The following PCM1 variants were observed in gnomAD, a reference collection of about 807,000 sequenced individuals.
PCM1 encodes the protein pericentriolar material 1 protein.
PCM1 carries 157 observed loss-of-function variants against 241.9 expected under a neutral mutation model. That is an observed-to-expected ratio of 0.65 (90% CI 0.57 to 0.74). The LOEUF (loss-of-function observed/expected upper bound fraction) is 0.74. Among genes scored for constraint, PCM1 ranks in the 30% least tolerant of loss-of-function variants. The pLI is 0.00. For missense variants in PCM1, 3,478 were observed against 2,360.1 expected, an observed-to-expected ratio of 1.47 and a Z score of -9.81; for synonymous variants, 1,085 against 784.9, an observed-to-expected ratio of 1.38 and a Z score of -6.39.
chr8:17,973,485 G>C (rs2077539002), intron 23 of PCM1, among the ~76,000 whole-genome samples: 1 of 152,098 alleles, frequency 6.6e-6, no homozygotes, highest in African/African-American at 2.4e-5. Context: ...TTGGGAGGCT[G>C]AGGCAGGTGG....
At position 18,027,852 on chromosome 8, in the gene PCM1, G is replaced by C. The variant is rs147020373; in HGVS notation, c.*190G>C. ...TGAATTCTGGACAGATTTAAGCCTT[G>C]ACACACTGTGTTTTTTTTTTTTTCC... On this transcript the variant is annotated 3_prime_UTR_variant, in exon 39 of 39. Coordinates refer to ENST00000325083, the MANE Select transcript of PCM1 (RefSeq NM_006197.4). 3 of 400,944 alleles carry C rather than the reference G, an allele frequency of 7.5e-6. No individual in the cohort carries two copies. The highest frequency in any genetic ancestry group is 1.3e-5 in the Non-Finnish European group (3 of 226,282). 24.8% of individuals were successfully genotyped at this position (400,944 alleles called of 1,614,324 possible).
At chr8:17,942,588 C>G (rs535644770) in intron 6 of PCM1, among the ~76,000 whole-genome samples, 27 of 152,106 alleles carry the variant, frequency 1.8e-4, no homozygotes, top group South Asian at 6.2e-4. Flanking sequence ...ACTTGGTTGC[C>G]TCTTTTTTTG....
intron 2 of PCM1, among the ~76,000 whole-genome samples, chr8:17,928,742 C>G (rs2058003948): frequency 6.6e-6 from 1 of 151,412 alleles, no homozygotes; most frequent in African/African-American, 2.4e-5. Context: ...AACGATTCTC[C>G]TGCCTCAGCC....
Position 18,028,451 on chromosome 8 carries a change from T to G in PCM1, c.*789T>G, listed in dbSNP as rs1441167820. The stretch of plus-strand genomic sequence containing the variant: ...AAGTAACATTGTGGTTAATTTTAAA[T>G]GAAAAACTTAACTTTTTCAAGTGGG... On this transcript the variant is annotated 3_prime_UTR_variant, in exon 39 of 39. Transcript: ENST00000325083. 1.0e-5 allele frequency: 2 copies of G among 193,674 alleles called. No individual in the cohort carries two copies. Among genetic ancestry groups the G allele is most frequent in the East Asian group, 1.6e-4 (2 of 12,262 alleles). 12.0% of individuals were successfully genotyped at this position (193,674 alleles called of 1,614,324 possible).
At chr8:17,968,967 A>T (rs952116610) in intron 21 of PCM1, among the ~76,000 whole-genome samples, 1 of 152,060 alleles carries the variant, frequency 6.6e-6, no homozygotes, top group Non-Finnish European at 1.5e-5. Flanking sequence ...CCAACTCTAT[A>T]TAAAGGCTCT....
Position 17,961,304 on chromosome 8 carries a change from C to CTTTTTTTTTT in PCM1, c.2323-715_2323-706dup, listed in dbSNP as rs35468848. ...TATTTTCCCAGAGTTTATTGGCTAG[C>CTTTTTTTTTT]TTTTTTTTTTTTTTTTTTTTTTTTG... On this transcript the variant is annotated intron_variant, in intron 15 of 38. Transcript: ENST00000325083. Among the ~76,000 whole-genome samples, 32 of 79,138 alleles carry CTTTTTTTTTT rather than the reference C, an allele frequency of 4.0e-4. 1 individual carries two copies. The highest frequency in any genetic ancestry group is 1.1e-3 in the African/African-American group (21 of 18,984). 51.9% of individuals were successfully genotyped at this position (79,138 alleles called of 152,430 possible). A position where few individuals can be genotyped will look rare whatever the true frequency, so the allele number is the denominator to read the frequency against.
Position 17,935,622 on chromosome 8 carries a change from A to AG in PCM1, c.14dup (p.Gly6ArgfsTer4). The AG allele has an allele frequency of 6.6e-7, 1 of 1,505,028 alleles. No individual in the cohort carries two copies. Among genetic ancestry groups the AG allele is most frequent in the Non-Finnish European group, 9.2e-7 (1 of 1,081,098 alleles). 93.2% of individuals were successfully genotyped at this position (1,505,028 alleles called of 1,614,324 possible). On this transcript the variant is annotated frameshift_variant, in exon 3 of 39. Transcript: ENST00000325083. LOFTEE classifies it high-confidence loss of function. ...TTGTTAAATCCAGTATGGCCACAGG[A>AG]GGAGGTCCCTTTGAAGATGGCATGA...
At chr8:17,948,267 A>G (rs2064583354) in intron 7 of PCM1, among the ~76,000 whole-genome samples, 2 of 148,718 alleles carry the variant, frequency 1.3e-5, no homozygotes, top group South Asian at 4.3e-4. Context: ...CATTTTCACA[A>G]GGAACGTTAT....
At chr8:18,015,876 C>G (rs984659050) in intron 36 of PCM1, 9 of 152,354 alleles carry the variant, frequency 5.9e-5, no homozygotes, top group Admixed American at 5.2e-4. Flanking sequence ...GTGTCCTGAG[C>G]TCTCTGAGTT....
chr8:17,969,600 C>A lies in PCM1; in HGVS notation c.3436C>A (p.Pro1146Thr). The A allele has an allele frequency of 6.2e-7, 1 of 1,608,372 alleles. No individual in the cohort carries two copies. Among genetic ancestry groups the A allele is most frequent in the Non-Finnish European group, 8.5e-7 (1 of 1,177,270 alleles). ...APGMNFSPLF[P>T]SNFGDFSQNI... is the part of the protein sequence containing the mutation. ...AGGTATGAATTTCAGCCCTTTATTT[C>A]CTTCTAATTTTGGAGATTTTTCTCA... Residue 1146 changes from proline (P) to threonine (T), a missense_variant, in exon 22 of 39, where the codon CCT becomes ACT. Coordinates refer to ENST00000325083, the MANE Select transcript of PCM1 (RefSeq NM_006197.4).
intron 29 of PCM1, among the ~76,000 whole-genome samples, chr8:18,000,855 C>T (rs978867387): frequency 3.3e-5 from 5 of 152,094 alleles, no homozygotes; most frequent in Non-Finnish European, 5.9e-5. Flanking sequence ...GTGATGCACC[C>T]GCCTGGGCCT....
chr8:18,004,691 G>T (rs1441306170), intron 29 of PCM1, among the ~76,000 whole-genome samples: 1 of 152,106 alleles, frequency 6.6e-6, no homozygotes, highest in African/African-American at 2.4e-5. Flanking sequence ...ATTACACCCA[G>T]TCACCTGAGT....
At chr8:17,991,445 C>T (rs2084596855) in intron 27 of PCM1, 97 bp from the exon 28 acceptor site, 1 of 986,554 alleles carries the variant, frequency 1.0e-6, no homozygotes, top group Non-Finnish European at 1.5e-6. Context: ...TAATTTTCCT[C>T]CCTTTTGTTT....
chr8:17,947,339 G>C lies in PCM1; in HGVS notation c.937G>C (p.Ala313Pro), dbSNP rs1304094505. 6.2e-7 allele frequency: 1 copy of C among 1,600,350 alleles called. No homozygotes were observed. Among genetic ancestry groups the C allele is most frequent in the Non-Finnish European group, 8.5e-7 (1 of 1,174,620 alleles). ...LLALQHKAEQAIAVMDDSVVA... is the reference protein window; with the variant it reads ...LLALQHKAEQPIAVMDDSVVA... ...AGCTCTGCAACATAAAGCAGAGCAAGCTATTGCAGTGATGGATGATTCTGG... is the reference window on the plus strand; with the variant it reads ...AGCTCTGCAACATAAAGCAGAGCAACCTATTGCAGTGATGGATGATTCTGG... The change falls in exon 7 of 39, where the codon GCT becomes CCT. Residue 313 changes from alanine to proline, a missense_variant. Coordinates refer to ENST00000325083, the MANE Select transcript of PCM1 (RefSeq NM_006197.4).
intron 2 of PCM1, chr8:17,934,825 A>AT (rs1563653527): frequency 6.6e-6 from 1 of 152,070 alleles, no homozygotes; most frequent in East Asian, 1.9e-4. Flanking sequence ...TACTTCCACC[A>AT]TTGCTGCTGC....
chr8:18,004,679 G>C (rs2090737384), intron 29 of PCM1, among the ~76,000 whole-genome samples: 2 of 152,124 alleles, frequency 1.3e-5, no homozygotes, highest in Non-Finnish European at 2.9e-5. Flanking sequence ...TGCCCAGGCA[G>C]CATTACACCC....
chr8:17,948,427 C>G (rs1027504563), intron 7 of PCM1, among the ~76,000 whole-genome samples: 2 of 150,314 alleles, frequency 1.3e-5, no homozygotes, highest in Non-Finnish European at 2.9e-5. Flanking sequence ...GCCTCAGCCT[C>G]CTGAGTAGCT....
At chr8:17,982,812 A>C (rs578178979) in intron 24 of PCM1, among the ~76,000 whole-genome samples, 1 of 152,190 alleles carries the variant, frequency 6.6e-6, no homozygotes, top group African/African-American at 2.4e-5. Flanking sequence ...ATTTATTTTT[A>C]GTTTTAATCA....
intron 8 of PCM1, among the ~76,000 whole-genome samples, chr8:17,951,541 A>G (rs1313851718): frequency 6.6e-6 from 1 of 152,230 alleles, no homozygotes. Context: ...GGGCTAATGA[A>G]TTCTTACATA....
Sources: allele counts gnomAD v4.1 joint callset (sites outside exome capture counted in the v4.1 genomes callset), GRCh38; gene constraint gnomAD v4.1.1; transcripts MANE v1.5; gene names NCBI Gene and HGNC (gene_info 2026-07-23, HGNC 2026-07-21).